Variants in RNF217 observed in about 807,000 individuals in gnomAD.
RNF217 encodes E3 ubiquitin-protein ligase RNF217.
Under a neutral mutation model 57.8 loss-of-function variants are expected in RNF217, and 31 were observed. The observed-to-expected ratio is 0.54, with a 90% CI of 0.40 to 0.72. RNF217 has a LOEUF of 0.72. Among genes scored for constraint, RNF217 ranks in the 30% least tolerant of loss-of-function variants. The pLI is 0.00. For synonymous variants in RNF217, 313 were observed against 294.0 expected (o/e 1.06, Z -0.66); for missense variants, 696 against 708.3 (o/e 0.98, Z 0.20).
intron 3 of RNF217, among the ~76,000 whole-genome samples, chr6:125,058,529 A>T (rs184923751): frequency 8.5e-5 from 13 of 152,280 alleles, no homozygotes; most frequent in Admixed American, 8.5e-4. Context: ...ATTGCTGATC[A>T]CTTAAAAATT....
chr6:124,986,900 G>A (rs1784384759), intron 1 of RNF217, among the ~76,000 whole-genome samples: 1 of 152,006 alleles, frequency 6.6e-6, no homozygotes, highest in South Asian at 2.1e-4. Flanking sequence ...ATAATGTTTT[G>A]CTTGCCTGGG....
At chr6:125,072,643 G>A (rs1045379634) in intron 3 of RNF217, among the ~76,000 whole-genome samples, 1 of 152,072 alleles carries the variant, frequency 6.6e-6, no homozygotes, top group East Asian at 1.9e-4. Context: ...TGAAATATGA[G>A]GCAAAACTTA....
intron 1 of RNF217, among the ~76,000 whole-genome samples, chr6:124,998,785 G>A (rs949891603): frequency 2.6e-5 from 4 of 152,282 alleles, no homozygotes; most frequent in Middle Eastern, 3.4e-3. Flanking sequence ...GCAACAGAGC[G>A]AGACTCTGTC....
In RNF217 at chr6:125,086,856, T is replaced by G. The variant is rs1409751710; in HGVS notation, c.*3919T>G. On this transcript the variant is annotated 3_prime_UTR_variant, in exon 6 of 6. Transcript: ENST00000521654. The stretch of plus-strand genomic sequence containing the variant: ...GTGCTTGTCAGAAAATACCTTGTTC[T>G]GTGACTCTGACTATCTCTTGAGTCC... The G allele has an allele frequency of 6.6e-6, 1 of 152,120 alleles. No homozygotes were observed. The highest frequency in any genetic ancestry group is 1.5e-5 in the Non-Finnish European group (1 of 68,004). 9.4% of individuals were successfully genotyped at this position (152,120 alleles called of 1,614,324 possible).
rs149458016 is a variant in RNF217, at chr6:124,985,803, C to T, written c.882+22377C>T. Among the ~76,000 whole-genome samples the T allele has an allele frequency of 4.1e-3, 624 of 152,184 alleles. 4 individuals are homozygous for T. Among genetic ancestry groups the T allele is most frequent in the African/African-American group, 0.014 (571 of 41,544 alleles). On this transcript the variant is annotated intron_variant, in intron 1 of 5. Transcript: ENST00000521654. The stretch of plus-strand genomic sequence containing the variant: ...TATATTCTTTATCTCTAAGGTTGTA[C>T]TTTTTATATAAAAAACCAGGAAGCA...
chr6:124,989,446 C>T (rs1414349788), intron 1 of RNF217, among the ~76,000 whole-genome samples: 1 of 152,072 alleles, frequency 6.6e-6, no homozygotes, highest in African/African-American at 2.4e-5. Flanking sequence ...GCATGGCACT[C>T]CAAATGCTGT....
intron 1 of RNF217, among the ~76,000 whole-genome samples, chr6:124,970,953 T>A (rs1332812806): frequency 6.6e-6 from 1 of 152,180 alleles, no homozygotes; most frequent in Non-Finnish European, 1.5e-5. Flanking sequence ...AAGGAGTTTA[T>A]TGGTAACTGT....
chr6:124,988,172 C>T (rs1012465294), intron 1 of RNF217, among the ~76,000 whole-genome samples: 1 of 152,064 alleles, frequency 6.6e-6, no homozygotes, highest in African/African-American at 2.4e-5. Flanking sequence ...GAATCTAATG[C>T]CTGATGATCT....
At chr6:125,068,186 A>G (rs1342251718) in intron 3 of RNF217, among the ~76,000 whole-genome samples, 2 of 152,136 alleles carry the variant, frequency 1.3e-5, no homozygotes, top group Non-Finnish European at 2.9e-5. Context: ...TATAGACTGG[A>G]AGAGTAGAGA....
chr6:124,979,274 T>G (rs1405314574), intron 1 of RNF217, among the ~76,000 whole-genome samples: 1 of 152,052 alleles, frequency 6.6e-6, no homozygotes, highest in Non-Finnish European at 1.5e-5. Context: ...TTTGTAGGAG[T>G]AGAAAAAGTT....
chr6:124,985,367 A>G (rs920493541), intron 1 of RNF217, among the ~76,000 whole-genome samples: 1 of 152,230 alleles, frequency 6.6e-6, no homozygotes, highest in Non-Finnish European at 1.5e-5. Context: ...GTTTTCATAC[A>G]GGCATGTAAT....
intron 1 of RNF217, among the ~76,000 whole-genome samples, chr6:124,999,446 A>G (rs1210632734): frequency 1.3e-5 from 2 of 151,672 alleles, no homozygotes; most frequent in East Asian, 1.9e-4. Flanking sequence ...AGCAAATACA[A>G]TTGATCTTTA....
At chr6:124,977,372 C>T (rs1784006329) in intron 1 of RNF217, among the ~76,000 whole-genome samples, 1 of 152,122 alleles carries the variant, frequency 6.6e-6, no homozygotes, top group Admixed American at 6.6e-5. Flanking sequence ...ATTGTTAAAA[C>T]AAAGTATTAA....
chr6:125,068,529 ACT>A (rs1226228875), intron 3 of RNF217, among the ~76,000 whole-genome samples: 1 of 152,054 alleles, frequency 6.6e-6, no homozygotes, highest in African/African-American at 2.4e-5. Context: ...ACAATTGATT[ACT>A]CTCTGTCTAC....
chr6:125,052,020 G>C (rs1476341157), intron 2 of RNF217, among the ~76,000 whole-genome samples: 1 of 152,020 alleles, frequency 6.6e-6, no homozygotes, highest in Non-Finnish European at 1.5e-5. Context: ...CAGGTGGTAG[G>C]AGCAAGATGG....
At chr6:124,988,727 C>T (rs939688954) in intron 1 of RNF217, among the ~76,000 whole-genome samples, 4 of 152,190 alleles carry the variant, frequency 2.6e-5, no homozygotes, top group Admixed American at 2.6e-4. Flanking sequence ...TTAAACTTCT[C>T]TAATTAAAGT....
intron 2 of RNF217, among the ~76,000 whole-genome samples, chr6:125,055,611 G>A (rs1582759012): frequency 6.6e-6 from 1 of 152,236 alleles, no homozygotes; most frequent in East Asian, 1.9e-4. Flanking sequence ...TTAAAAACTA[G>A]AGAGATCTTT....
chr6:125,034,475 T>C (rs1786513702), intron 1 of RNF217, among the ~76,000 whole-genome samples: 1 of 152,166 alleles, frequency 6.6e-6, no homozygotes, highest in Non-Finnish European at 1.5e-5. Context: ...TTGCTTGTTT[T>C]TGTCAGGTTT....
intron 1 of RNF217, among the ~76,000 whole-genome samples, chr6:125,020,122 C>T (rs1031365433): frequency 6.6e-6 from 1 of 152,154 alleles, no homozygotes; most frequent in Non-Finnish European, 1.5e-5. Context: ...CAGAGCTGTT[C>T]ACGAGAATGA....
Sources: gnomAD v4.1 joint callset for allele counts (sites outside exome capture counted in the v4.1 genomes callset) on GRCh38, gnomAD v4.1.1 for gene constraint, MANE v1.5 for transcripts, NCBI Gene and HGNC (gene_info 2026-07-23, HGNC 2026-07-21) for gene names.